GABBR2: variants seen among roughly 807,000 people sequenced by gnomAD.
GABBR2 encodes the protein G-protein coupled receptor 51.
Under a neutral mutation model 105.6 loss-of-function variants are expected in GABBR2, and 23 were observed. The observed-to-expected ratio is 0.22, with a 90% CI of 0.16 to 0.31. The LOEUF (loss-of-function observed/expected upper bound fraction) is 0.31, where lower values mean the gene tolerates loss of function less well. Ranked by LOEUF, GABBR2 falls within the 10% of genes least tolerant of loss-of-function variation. GABBR2 has a pLI of 1.00. For synonymous variants in GABBR2, 478 were observed against 499.7 expected (o/e 0.96, Z 0.58); for missense variants, 734 against 1,245.5 (o/e 0.59, Z 6.18).
rs1210805868 is a variant in GABBR2, at chr9:98,306,048, T to C, written c.2229+73A>G. 7 of 941,500 alleles carry C rather than the reference T, an allele frequency of 7.4e-6. No individual in the cohort carries two copies. Among genetic ancestry groups the C allele is most frequent in the Non-Finnish European group, 1.0e-5 (6 of 600,716 alleles). 58.3% of individuals were successfully genotyped at this position (941,500 alleles called of 1,614,324 possible). A position where few individuals can be genotyped will look rare whatever the true frequency, so the allele number is the denominator to read the frequency against. ...AGGAATGGGTAAACCTTTTAGAGAA[T>C]GGAGAAAAGCCAGCAATGCCCCTGT... On this transcript the variant is annotated intron_variant, in intron 15 of 18. Coordinates refer to ENST00000259455, the MANE Select transcript of GABBR2 (RefSeq NM_005458.8). This position sits in a 1 kb window ranked among gnomAD's most constrained non-coding sequence, Gnocchi z 5.4.
intron 6 of GABBR2, among the ~76,000 whole-genome samples, chr9:98,463,752 C>T (rs972146897): frequency 2.6e-5 from 4 of 152,074 alleles, no homozygotes; most frequent in Non-Finnish European, 5.9e-5. Context: ...TCTCCTGCCT[C>T]GGCCTGCCTA....
At chr9:98,553,905 T>C (rs983585887) in intron 2 of GABBR2, among the ~76,000 whole-genome samples, 2 of 152,232 alleles carry the variant, frequency 1.3e-5, no homozygotes, top group African/African-American at 4.8e-5. Context: ...TTCTCTGTGA[T>C]TTAACAATTC....
intron 13 of GABBR2, among the ~76,000 whole-genome samples, chr9:98,360,278 GA>G (rs1403890698): frequency 6.6e-6 from 1 of 152,198 alleles, no homozygotes; most frequent in Non-Finnish European, 1.5e-5. Context: ...AGGAGGGTCT[GA>G]GAGAAACCAA....
intron 13 of GABBR2, among the ~76,000 whole-genome samples, chr9:98,358,213 C>G (rs1490651143): frequency 2.0e-5 from 3 of 152,212 alleles, no homozygotes; most frequent in Non-Finnish European, 4.4e-5. Context: ...GAGACTTCCC[C>G]TAGGGATGTG....
At chr9:98,395,619 G>C (rs1019402271) in intron 8 of GABBR2, among the ~76,000 whole-genome samples, 1 of 152,142 alleles carries the variant, frequency 6.6e-6, no homozygotes, top group Admixed American at 6.5e-5. Flanking sequence ...GAGGGAGTGG[G>C]CATCTTAGAA....
At chr9:98,586,283 T>A (rs1337068157) in intron 1 of GABBR2, among the ~76,000 whole-genome samples, 1 of 135,782 alleles carries the variant, frequency 7.4e-6, no homozygotes, top group Non-Finnish European at 1.6e-5. Flanking sequence ...CTCTTTTCTT[T>A]CTTTTTTTTT....
intron 1 of GABBR2, among the ~76,000 whole-genome samples, chr9:98,603,272 A>G (rs548014340): frequency 4.3e-4 from 65 of 152,282 alleles, no homozygotes; most frequent in Admixed American, 1.3e-3. Flanking sequence ...CAACTTCCTC[A>G]TTGTCCTGTT....
intron 1 of GABBR2, chr9:98,608,059 C>T (rs1335918421): frequency 1.5e-6 from 2 of 1,308,344 alleles, no homozygotes; most frequent in Non-Finnish European, 2.2e-6. Flanking sequence ...AACTGGGAAG[C>T]TCAACAACGT....
intron 6 of GABBR2, among the ~76,000 whole-genome samples, chr9:98,461,020 C>T (rs1209126355): frequency 1.3e-5 from 2 of 152,146 alleles, no homozygotes; most frequent in African/African-American, 4.8e-5. Context: ...AAATTATAGG[C>T]CATCTAAAAT....
intron 1 of GABBR2, among the ~76,000 whole-genome samples, chr9:98,708,173 C>T (rs949722690): frequency 6.6e-6 from 1 of 152,152 alleles, no homozygotes; most frequent in African/African-American, 2.4e-5. Context: ...CCCACCCCCA[C>T]CCCTCCCCAC....
chr9:98,668,038 C>T (rs1302329796), intron 1 of GABBR2, among the ~76,000 whole-genome samples: 1 of 152,220 alleles, frequency 6.6e-6, no homozygotes, highest in African/African-American at 2.4e-5. Flanking sequence ...CAATTTGGGA[C>T]CGCCCTGAAG....
chr9:98,522,127 G>T (rs1057197215), intron 3 of GABBR2, among the ~76,000 whole-genome samples: 1 of 141,530 alleles, frequency 7.1e-6, no homozygotes, highest in Admixed American at 7.4e-5. Flanking sequence ...AAGCAACAAG[G>T]AGCAGAATTT....
chr9:98,696,070 A>G (rs1474575441), intron 1 of GABBR2, among the ~76,000 whole-genome samples: 1 of 152,230 alleles, frequency 6.6e-6, no homozygotes, highest in Non-Finnish European at 1.5e-5. Context: ...GGGATCAAAT[A>G]ATCCAACAAA....
chr9:98,607,374 T>C, intron 1 of GABBR2: 2 of 696,024 alleles, frequency 2.9e-6, no homozygotes, highest in Non-Finnish European at 5.3e-6. Context: ...TTATGAAGCG[T>C]TTGCATGAAA....
chr9:98,566,122 G>A (rs577904622), intron 2 of GABBR2, among the ~76,000 whole-genome samples: 18 of 152,324 alleles, frequency 1.2e-4, no homozygotes, highest in Admixed American at 2.6e-4. Context: ...GCTGGCGAAG[G>A]TGACCAACTT....
At chr9:98,413,763 G>C (rs1832632350) in intron 7 of GABBR2, among the ~76,000 whole-genome samples, 1 of 152,206 alleles carries the variant, frequency 6.6e-6, no homozygotes, top group Non-Finnish European at 1.5e-5. Context: ...GGTGGCCTAA[G>C]GTGGGGCTGT....
intron 13 of GABBR2, among the ~76,000 whole-genome samples, chr9:98,342,149 C>T (rs1352534176): frequency 6.6e-6 from 1 of 152,026 alleles, no homozygotes; most frequent in Non-Finnish European, 1.5e-5. Flanking sequence ...CACAGGTGTC[C>T]ATCCAGGCAG....
intron 3 of GABBR2, among the ~76,000 whole-genome samples, chr9:98,504,233 C>A (rs1267289714): frequency 1.3e-5 from 2 of 152,294 alleles, no homozygotes; most frequent in South Asian, 4.1e-4. Context: ...AGACAGAAAG[C>A]AAGAAAGGGA....
intron 1 of GABBR2, among the ~76,000 whole-genome samples, chr9:98,598,376 C>T (rs1829269058): frequency 6.6e-6 from 1 of 152,124 alleles, no homozygotes; most frequent in Non-Finnish European, 1.5e-5. Flanking sequence ...CCTCCACACT[C>T]TCTAGAAACA....
Sources: gnomAD v4.1 joint callset for allele counts (sites outside exome capture counted in the v4.1 genomes callset) on GRCh38, gnomAD v4.1.1 for gene constraint, Gnocchi (gnomAD v3.1) non-coding constraint, MANE v1.5 for transcripts, NCBI Gene and HGNC (gene_info 2026-07-23, HGNC 2026-07-21) for gene names.